Variants in CLSTN2 observed in about 807,000 individuals in gnomAD.
CLSTN2 encodes the protein calsyntenin 2.
In CLSTN2, 48 loss-of-function variants were observed where a neutral mutation model predicts 101.2. The observed-to-expected ratio is 0.47, with a 90% confidence interval of 0.38 to 0.60. The LOEUF (loss-of-function observed/expected upper bound fraction) is 0.60, where lower values mean the gene tolerates loss of function less well. Among genes scored for constraint, CLSTN2 ranks in the 20% least tolerant of loss-of-function variants. The pLI is 0.00. For missense variants in CLSTN2, 1,160 were observed against 1,238.2 expected (o/e 0.94, Z 0.95); for synonymous variants, 481 against 463.6 (o/e 1.04, Z -0.48).
rs535303643 is a variant in CLSTN2 at position 140,225,920 on chromosome 3, A to T, written c.232+49847A>T. On this transcript the variant is annotated intron_variant, in intron 2 of 16. Transcript: ENST00000458420. ...ATCTCCATAAGTTGATTTTTTTTAA[A>T]AAAAAAAGGACTCTAAAAGAATATG... 4.6e-3 allele frequency among the ~76,000 whole-genome samples: 696 copies of T among 151,974 alleles called. 3 individuals are homozygous for T. The highest frequency in any genetic ancestry group is 0.016 in the African/African-American group (655 of 41,364).
chr3:140,257,212 A>C (rs2086611205), intron 2 of CLSTN2, among the ~76,000 whole-genome samples: 2 of 152,224 alleles, frequency 1.3e-5, no homozygotes, highest in South Asian at 4.1e-4. Flanking sequence ...ATGCTCCATA[A>C]ATAGCCCTTG....
At chr3:140,142,995 T>C (rs1470877917) in intron 1 of CLSTN2, among the ~76,000 whole-genome samples, 5 of 152,178 alleles carry the variant, frequency 3.3e-5, no homozygotes, top group African/African-American at 1.2e-4. Flanking sequence ...TTATGTCCAC[T>C]GAGTTCTCAG....
chr3:140,155,091 G>A (rs2107816374), intron 1 of CLSTN2, among the ~76,000 whole-genome samples: 1 of 152,174 alleles, frequency 6.6e-6, no homozygotes, highest in South Asian at 2.1e-4. Flanking sequence ...GCCTTGAGAG[G>A]GTCTAAACGG....
chr3:140,509,604 A>C (rs1276957023), intron 8 of CLSTN2, among the ~76,000 whole-genome samples: 2 of 152,056 alleles, frequency 1.3e-5, no homozygotes, highest in Admixed American at 1.3e-4. Context: ...TGGGGAAAGG[A>C]AGTCTGAAAG....
intron 8 of CLSTN2, among the ~76,000 whole-genome samples, chr3:140,480,091 A>C (rs1934080914): frequency 6.7e-6 from 1 of 149,934 alleles, no homozygotes; most frequent in African/African-American, 2.5e-5. Flanking sequence ...TCCTAATGCT[A>C]TCCCTCCCCC....
At chr3:139,940,490 A>G (rs1186418877) in intron 1 of CLSTN2, among the ~76,000 whole-genome samples, 1 of 152,118 alleles carries the variant, frequency 6.6e-6, no homozygotes, top group Non-Finnish European at 1.5e-5. Context: ...ACAATGACTA[A>G]TTATTGATCA....
At chr3:140,474,190 C>T (rs1426420438) in intron 8 of CLSTN2, among the ~76,000 whole-genome samples, 1 of 152,108 alleles carries the variant, frequency 6.6e-6, no homozygotes, top group African/African-American at 2.4e-5. Context: ...GCTCATAAAT[C>T]AATCCACCTC....
intron 8 of CLSTN2, among the ~76,000 whole-genome samples, chr3:140,515,662 G>A (rs796196258): frequency 2.6e-5 from 4 of 152,146 alleles, no homozygotes; most frequent in African/African-American, 9.6e-5. Flanking sequence ...TAATTTCTAT[G>A]TATTAGAATG....
At chr3:140,441,525 A>T (rs1208123446) in intron 5 of CLSTN2, among the ~76,000 whole-genome samples, 1 of 152,236 alleles carries the variant, frequency 6.6e-6, no homozygotes, top group Non-Finnish European at 1.5e-5. Flanking sequence ...CAGATGAGAA[A>T]ATTGAGGCAC....
rs564882262 is a variant in CLSTN2 at position 140,352,390 on chromosome 3, G to A, written c.233-51239G>A. 6.6e-5 allele frequency among the ~76,000 whole-genome samples: 10 copies of A among 152,260 alleles called. No homozygotes were observed. The South Asian group carries it at 1.9e-3, about 28-fold the overall frequency. Reference sequence around the variant, plus strand: ...TTTGGTCCTTGAGGCTTTGTCCTAAGACAACTCAATCTTTCCCTCCAATAT... The same window carrying A: ...TTTGGTCCTTGAGGCTTTGTCCTAAAACAACTCAATCTTTCCCTCCAATAT... On this transcript the variant is annotated intron_variant, in intron 2 of 16. Transcript: ENST00000458420.
chr3:140,515,575 TAATTC>T (rs1934902307), intron 8 of CLSTN2, among the ~76,000 whole-genome samples: 2 of 152,326 alleles, frequency 1.3e-5, no homozygotes, highest in South Asian at 4.1e-4. Context: ...ATCACTATTA[TAATTC>T]AATTCAAAAT....
In CLSTN2 at chr3:140,359,333, A is replaced by G. The variant is rs565230211; in HGVS notation, c.233-44296A>G. Among the ~76,000 whole-genome samples, 57 of 152,310 alleles carry G rather than the reference A, an allele frequency of 3.7e-4. 1 individual carries two copies. In the South Asian group the frequency reaches 0.012, roughly 32 times the overall value. ...CAAATGCAAGGCTTAAATTTAAACC[A>G]TGTATGTCACATAATGAAGCCATTT... On this transcript the variant is annotated intron_variant, in intron 2 of 16. Coordinates refer to ENST00000458420, the MANE Select transcript of CLSTN2 (RefSeq NM_022131.3).
chr3:140,182,036 C>T (rs755720200), intron 2 of CLSTN2, among the ~76,000 whole-genome samples: 1 of 152,178 alleles, frequency 6.6e-6, no homozygotes, highest in Non-Finnish European at 1.5e-5. Context: ...AATTCTCTTT[C>T]TGATCATGTC....
intron 8 of CLSTN2, among the ~76,000 whole-genome samples, chr3:140,481,385 C>A (rs1343424679): frequency 5.9e-5 from 9 of 152,160 alleles, no homozygotes; most frequent in Non-Finnish European, 1.3e-4. Context: ...TAGCATGATG[C>A]CTCCAGCTTT....
intron 1 of CLSTN2, among the ~76,000 whole-genome samples, chr3:140,027,962 G>A (rs552344229): frequency 1.3e-5 from 2 of 152,172 alleles, no homozygotes; most frequent in African/African-American, 4.8e-5. Flanking sequence ...CTGAGCAGTG[G>A]CTTCTTCATG....
intron 5 of CLSTN2, among the ~76,000 whole-genome samples, chr3:140,445,160 C>T (rs1007377087): frequency 7.2e-5 from 11 of 152,198 alleles, no homozygotes; most frequent in East Asian, 5.8e-4. Flanking sequence ...CCTGATTTCT[C>T]CCTGGCGGCC....
intron 8 of CLSTN2, among the ~76,000 whole-genome samples, chr3:140,516,982 G>C (rs1277950520): frequency 6.6e-6 from 1 of 152,066 alleles, no homozygotes; most frequent in Middle Eastern, 3.4e-3. Context: ...CTTAGGTTTT[G>C]TCATTTAACA....
At chr3:140,111,049 A>C (rs1449472408) in intron 1 of CLSTN2, among the ~76,000 whole-genome samples, 1 of 152,176 alleles carries the variant, frequency 6.6e-6, no homozygotes, top group African/African-American at 2.4e-5. Context: ...GAAGCTGCAC[A>C]TCCAAGGTTT....
At chr3:140,087,467 G>A (rs1193813677) in intron 1 of CLSTN2, among the ~76,000 whole-genome samples, 1 of 152,122 alleles carries the variant, frequency 6.6e-6, no homozygotes, top group Non-Finnish European at 1.5e-5. Flanking sequence ...GCATTGGAAG[G>A]GCTCAGCTTC....
Sources: allele counts gnomAD v4.1 joint callset (sites outside exome capture counted in the v4.1 genomes callset), GRCh38; gene constraint gnomAD v4.1.1; transcripts MANE v1.5; gene names NCBI Gene and HGNC (gene_info 2026-07-23, HGNC 2026-07-21).